The following NELL1 variants were observed in gnomAD, a reference collection of about 807,000 sequenced individuals.
NELL1 encodes the protein protein kinase C-binding protein NELL1.
NELL1 carries 76 observed loss-of-function variants against 107.4 expected under a neutral mutation model. The ratio of observed to expected loss-of-function variants is 0.71; its 90% CI spans 0.59 to 0.86. NELL1 has a LOEUF of 0.86. Among genes scored for constraint, NELL1 ranks in the 40% least tolerant of loss-of-function variants. The probability of loss-of-function intolerance (pLI) is 0.00; values close to 1 mark genes in which losing one functional copy is unlikely to be tolerated. For missense variants in NELL1, 1,024 were observed against 1,005.5 expected (o/e 1.02, Z -0.25); for synonymous variants, 353 against 341.2 (o/e 1.03, Z -0.38).
chr11:21,402,683 G>C (rs1443104381), intron 15 of NELL1, among the ~76,000 whole-genome samples: 1 of 148,758 alleles, frequency 6.7e-6, no homozygotes, highest in African/African-American at 2.5e-5. Context: ...TTTTGTTCAA[G>C]AACAAGTCCT....
intron 14 of NELL1, among the ~76,000 whole-genome samples, chr11:21,329,196 G>A (rs1850216388): frequency 6.6e-6 from 1 of 152,100 alleles, no homozygotes; most frequent in African/African-American, 2.4e-5. Flanking sequence ...GGGACCCAGT[G>A]GGAGGTAATT....
At chr11:20,955,359 G>C (rs1368437207) in intron 11 of NELL1, among the ~76,000 whole-genome samples, 2 of 152,190 alleles carry the variant, frequency 1.3e-5, no homozygotes, top group Non-Finnish European at 2.9e-5. Flanking sequence ...GTCCCAAGGA[G>C]TGGCTACCTC....
At chr11:21,489,633 T>C (rs2133913585) in intron 15 of NELL1, among the ~76,000 whole-genome samples, 1 of 152,196 alleles carries the variant, frequency 6.6e-6, no homozygotes, top group Admixed American at 6.5e-5. Context: ...ACTGCAAGGA[T>C]GATTCAACAT....
intron 14 of NELL1, among the ~76,000 whole-genome samples, chr11:21,237,304 T>C (rs939283679): frequency 2.0e-5 from 3 of 152,142 alleles, no homozygotes; most frequent in Non-Finnish European, 4.4e-5. Flanking sequence ...TTCTGTATAG[T>C]ACCCCGGGCA....
chr11:21,374,905 G>A (rs1487245147), intron 15 of NELL1, among the ~76,000 whole-genome samples: 1 of 151,032 alleles, frequency 6.6e-6, no homozygotes, highest in East Asian at 2.0e-4. Context: ...GTGTGTGTGT[G>A]TGTGTGTGTG....
intron 3 of NELL1, among the ~76,000 whole-genome samples, chr11:20,804,367 C>T (rs531117015): frequency 2.0e-5 from 3 of 152,262 alleles, no homozygotes; most frequent in East Asian, 1.9e-4. Flanking sequence ...TCTCAAGTAG[C>T]TGAGACTACA....
intron 12 of NELL1, among the ~76,000 whole-genome samples, chr11:21,080,833 T>C (rs1368444865): frequency 6.6e-6 from 1 of 152,058 alleles, no homozygotes; most frequent in East Asian, 1.9e-4. Flanking sequence ...TTTCTTTACA[T>C]CCTCGCCAAC....
chr11:21,251,345 T>C (rs924095854), intron 14 of NELL1, among the ~76,000 whole-genome samples: 19 of 152,192 alleles, frequency 1.2e-4, no homozygotes, highest in African/African-American at 4.6e-4. Flanking sequence ...TCCCCCAATA[T>C]AAAAGGAGAC....
At chr11:21,206,877 T>C (rs1857400945) in intron 13 of NELL1, among the ~76,000 whole-genome samples, 1 of 152,202 alleles carries the variant, frequency 6.6e-6, no homozygotes, top group African/African-American at 2.4e-5. Flanking sequence ...CTTTAGACAC[T>C]TGTCTTCAGA....
At chr11:20,913,626 G>A (rs1341618810) in intron 5 of NELL1, among the ~76,000 whole-genome samples, 1 of 151,958 alleles carries the variant, frequency 6.6e-6, no homozygotes, top group Non-Finnish European at 1.5e-5. Context: ...TGCATGGTGA[G>A]CTGACAGCAG....
chr11:21,516,827 C>A (rs564095079), intron 15 of NELL1, among the ~76,000 whole-genome samples: 17 of 149,452 alleles, frequency 1.1e-4, no homozygotes, highest in Non-Finnish European at 1.6e-4. Context: ...TTTTTTGAGA[C>A]GGAGTCTCGC....
At chr11:21,266,321 A>C (rs1027057821) in intron 14 of NELL1, among the ~76,000 whole-genome samples, 28 of 151,892 alleles carry the variant, frequency 1.8e-4, no homozygotes, top group Admixed American at 1.6e-3. Flanking sequence ...TCAATCATCT[A>C]TCTACCTATT....
At chr11:20,735,903 G>A (rs1266136958) in intron 2 of NELL1, among the ~76,000 whole-genome samples, 1 of 152,114 alleles carries the variant, frequency 6.6e-6, no homozygotes, top group African/African-American at 2.4e-5. Context: ...AGTAGAGTCT[G>A]TAAAGTATGA....
At chr11:20,693,906 G>A (rs1401602170) in intron 2 of NELL1, among the ~76,000 whole-genome samples, 6 of 151,980 alleles carry the variant, frequency 3.9e-5, no homozygotes, top group South Asian at 2.1e-4. Flanking sequence ...CATTCTCCCC[G>A]TCACTTTCAG....
intron 2 of NELL1, among the ~76,000 whole-genome samples, chr11:20,752,575 T>A (rs1856166216): frequency 6.6e-6 from 1 of 152,010 alleles, no homozygotes; most frequent in African/African-American, 2.4e-5. Context: ...ATACATAAAA[T>A]CCTTAAGAAT....
At position 21,054,915 on chromosome 11, in the gene NELL1, C is replaced by T. The variant is rs558564730; in HGVS notation, c.1301-58674C>T. 1.7e-3 allele frequency among the ~76,000 whole-genome samples: 262 copies of T among 152,090 alleles called. 1 individual carries two copies. The highest frequency in any genetic ancestry group is 5.0e-3 in the Admixed American group (77 of 15,250). On this transcript the variant is annotated intron_variant, in intron 12 of 19. Coordinates refer to ENST00000357134, the MANE Select transcript of NELL1 (RefSeq NM_006157.5). ...TTGATTTATGTCATACCCTTAAAAT[C>T]TTTATCATCTTGCTTCTTTCCTTGC...
intron 15 of NELL1, among the ~76,000 whole-genome samples, chr11:21,433,751 C>T (rs2133836687): frequency 6.6e-6 from 1 of 152,268 alleles, no homozygotes; most frequent in East Asian, 1.9e-4. Flanking sequence ...TCTCGGCTCA[C>T]CACAACCTCC....
intron 12 of NELL1, among the ~76,000 whole-genome samples, chr11:21,007,381 A>G (rs976624385): frequency 7.2e-6 from 1 of 138,248 alleles, no homozygotes; most frequent in African/African-American, 2.7e-5. Flanking sequence ...GTATGTACAC[A>G]CACACAGACA....
chr11:21,249,283 A>C (rs1326984576), intron 14 of NELL1, among the ~76,000 whole-genome samples: 2 of 152,186 alleles, frequency 1.3e-5, no homozygotes, highest in Non-Finnish European at 2.9e-5. Flanking sequence ...AAGGGAAGAC[A>C]GTGTTTTAGA....
Sources: allele counts gnomAD v4.1 joint callset (sites outside exome capture counted in the v4.1 genomes callset), GRCh38; gene constraint gnomAD v4.1.1; transcripts MANE v1.5; gene names NCBI Gene and HGNC (gene_info 2026-07-23, HGNC 2026-07-21).